The following CUX2 variants were observed in gnomAD, a reference collection of about 807,000 sequenced individuals.
The protein encoded by CUX2 is cut like homeobox 2, also known as homeobox protein cut-like 2.
CUX2 carries 40 observed loss-of-function variants against 144.8 expected under a neutral mutation model. That is an observed-to-expected ratio of 0.28 (90% CI 0.21 to 0.36). CUX2 has a LOEUF of 0.36. CUX2 is among the 10% of genes least tolerant of loss of function. CUX2 has a pLI of 1.00. For synonymous variants in CUX2, 827 were observed against 875.6 expected (o/e 0.94, Z 0.98); for missense variants, 1,615 against 1,994.0 (o/e 0.81, Z 3.62).
chr12:111,034,712 G>A lies in CUX2; in HGVS notation c.63+472G>A, dbSNP rs1295172144. On this transcript the variant is annotated intron_variant, in intron 1 of 21. Transcript: ENST00000261726. The surrounding 1 kb of genome is among the most constrained non-coding windows in gnomAD (Gnocchi z 4.2). ...GAGGGAGGGAGGGAGCTGGCGGGCAGGGAGGAGGAGGAGGAGAGGAGGAGG... is the reference window on the plus strand; with the variant it reads ...GAGGGAGGGAGGGAGCTGGCGGGCAAGGAGGAGGAGGAGGAGAGGAGGAGG... Among the ~76,000 whole-genome samples, 1 of 151,464 alleles carries A rather than the reference G, an allele frequency of 6.6e-6. No homozygotes were observed. Among genetic ancestry groups the A allele is most frequent in the African/African-American group, 2.4e-5 (1 of 41,374 alleles).
At chr12:111,193,671 C>T (rs1197502923) in intron 1 of CUX2, among the ~76,000 whole-genome samples, 2 of 152,276 alleles carry the variant, frequency 1.3e-5, no homozygotes, top group African/African-American at 4.8e-5. Context: ...GGAATGAAGG[C>T]GCTGGAGGTG....
intron 1 of CUX2, among the ~76,000 whole-genome samples, chr12:111,133,931 C>G (rs1875675827): frequency 6.6e-6 from 1 of 152,140 alleles, no homozygotes; most frequent in South Asian, 2.1e-4. Context: ...CCACCTGTCC[C>G]CATCCTAACT....
At chr12:111,269,666 T>C (rs753844358) in intron 4 of CUX2, among the ~76,000 whole-genome samples, 2 of 152,074 alleles carry the variant, frequency 1.3e-5, no homozygotes, top group Non-Finnish European at 2.9e-5. Flanking sequence ...AGCCCTCATT[T>C]TGGGGGGTGT....
chr12:111,298,622 A>G (rs1248477412), intron 9 of CUX2, 33 bp downstream of exon 9: 3 of 1,551,752 alleles, frequency 1.9e-6, no homozygotes, highest in Admixed American at 1.9e-5. Flanking sequence ...CGTGGGTGCC[A>G]GAGGCTCCCT....
At chr12:111,324,386 G>A (rs977260012) in intron 18 of CUX2, among the ~76,000 whole-genome samples, 3 of 151,640 alleles carry the variant, frequency 2.0e-5, no homozygotes, top group Non-Finnish European at 4.4e-5. Context: ...AAATGCATAA[G>A]GAGGCAGCCC....
rs746867438 is a variant in CUX2 at position 111,347,648 on chromosome 12, G to A, written c.3784G>A (p.Asp1262Asn). ...CCCAGACCCCACCCCGCAGAGCCCT[G>A]ACTCTGAGACTGAGGACCAGAAGCC... The part of the protein sequence containing the change: ...SHPDPTPQSP[D>N]SETEDQKPTV... Residue 1262 changes from aspartate (D) to asparagine (N), a missense_variant, in exon 22 of 22, where the codon GAC becomes AAC. This residue lies in a region of CUX2 where 298 missense variants were observed against 330.4 expected (regional missense o/e 0.90). Coordinates refer to ENST00000261726, the MANE Select transcript of CUX2 (RefSeq NM_015267.4). 3.7e-6 allele frequency: 6 copies of A among 1,609,098 alleles called. No individual in the cohort carries two copies. Among genetic ancestry groups the A allele is most frequent in the Non-Finnish European group, 5.1e-6 (6 of 1,177,322 alleles).
In CUX2 at chr12:111,293,205, G is replaced by A. The variant is rs1885786103; in HGVS notation, c.437-241G>A. On this transcript the variant is annotated intron_variant, in intron 5 of 21. Coordinates refer to ENST00000261726, the MANE Select transcript of CUX2 (RefSeq NM_015267.4). This position sits in a 1 kb window ranked among gnomAD's most constrained non-coding sequence, Gnocchi z 4.5. ...ACCACAATTTTAAAAGTATAATAAA[G>A]CAGGCCGCGGAGGCATGAGCAGGCA... 6.6e-6 allele frequency among the ~76,000 whole-genome samples: 1 copy of A among 152,194 alleles called. No individual in the cohort carries two copies. The highest frequency in any genetic ancestry group is 2.1e-4 in the South Asian group (1 of 4,832).
rs780239703 is a variant in CUX2, at chr12:111,347,882, G to A, written c.4018G>A (p.Gly1340Arg). Residue 1340 changes from glycine (G) to arginine (R), a missense_variant, in exon 22 of 22, where the codon GGA (glycine) becomes AGA (arginine). Physicochemically the swap from Gly to Arg is moderately radical, Grantham distance 125 (BLOSUM62 -2). Transcript: ENST00000261726. ...GCATCCCGACCCTCCGGGTAATGATGGACTCCCAAAAGTGGCTCCCGGGCC... is the reference window on the plus strand; with the variant it reads ...GCATCCCGACCCTCCGGGTAATGATAGACTCCCAAAAGTGGCTCCCGGGCC... ...EEHPDPPGNDGLPKVAPGPLL... is the reference protein window; with the variant it reads ...EEHPDPPGNDRLPKVAPGPLL... 6.2e-7 allele frequency: 1 copy of A among 1,614,108 alleles called. No individual in the cohort carries two copies. The highest frequency in any genetic ancestry group is 8.5e-7 in the Non-Finnish European group (1 of 1,180,028).
chr12:111,072,295 A>C (rs1871284671), intron 1 of CUX2, among the ~76,000 whole-genome samples: 1 of 152,208 alleles, frequency 6.6e-6, no homozygotes, highest in African/African-American at 2.4e-5. Flanking sequence ...TTTATTCGTC[A>C]GAGTTTTGTA....
chr12:111,263,895 G>A lies in CUX2; in HGVS notation c.301+56G>A, dbSNP rs1259277119. 2.0e-6 allele frequency: 3 copies of A among 1,498,110 alleles called. No homozygotes were observed. The highest frequency in any genetic ancestry group is 2.8e-5 in the African/African-American group (2 of 72,474). The allele number at this position is 1,498,110 out of a possible 1,614,324, so 92.8% of individuals were successfully genotyped here. On this transcript the variant is annotated intron_variant, in intron 4 of 21. Coordinates refer to ENST00000261726, the MANE Select transcript of CUX2 (RefSeq NM_015267.4). This position sits in a 1 kb window ranked among gnomAD's most constrained non-coding sequence, Gnocchi z 4.0. ...AGTTAACGACAATAAATAGCCATTA[G>A]GACTGTGACACAGGGACTTTGAGGT...
At chr12:111,159,315 T>G (rs1369282216) in intron 1 of CUX2, among the ~76,000 whole-genome samples, 1 of 122,050 alleles carries the variant, frequency 8.2e-6, no homozygotes, top group Non-Finnish European at 1.6e-5. Flanking sequence ...TGCCCAGCTG[T>G]TTTTTTTTTT....
chr12:111,252,031 A>G (rs1302932545), intron 3 of CUX2, among the ~76,000 whole-genome samples: 1 of 152,058 alleles, frequency 6.6e-6, no homozygotes, highest in East Asian at 1.9e-4. Context: ...AAAGAAAACG[A>G]AAATATTAGC....
At chr12:111,275,164 C>T (rs1174506585) in intron 4 of CUX2, among the ~76,000 whole-genome samples, 1 of 152,120 alleles carries the variant, frequency 6.6e-6, no homozygotes, top group Non-Finnish European at 1.5e-5. Context: ...AGTTTGTGCC[C>T]CAGAGCAGGT....
intron 3 of CUX2, among the ~76,000 whole-genome samples, chr12:111,232,954 C>T (rs992005980): frequency 2.0e-5 from 3 of 152,124 alleles, no homozygotes; most frequent in Non-Finnish European, 4.4e-5. Context: ...ATATATAATT[C>T]CAACTGTACC....
chr12:111,148,759 G>A (rs886600632), intron 1 of CUX2, among the ~76,000 whole-genome samples: 1 of 152,188 alleles, frequency 6.6e-6, no homozygotes, highest in African/African-American at 2.4e-5. Context: ...CACTCTGGGA[G>A]GCCAAGGCCA....
At chr12:111,217,292 C>T (rs908492203) in intron 2 of CUX2, among the ~76,000 whole-genome samples, 3 of 152,238 alleles carry the variant, frequency 2.0e-5, no homozygotes, top group African/African-American at 4.8e-5. Flanking sequence ...CCAGCCTAGA[C>T]TGCAGAAACT....
At chr12:111,113,403 C>T (rs1874102053) in intron 1 of CUX2, among the ~76,000 whole-genome samples, 1 of 152,036 alleles carries the variant, frequency 6.6e-6, no homozygotes, top group Non-Finnish European at 1.5e-5. Context: ...CCGAAATTTC[C>T]TTGTTGCTGC....
intron 18 of CUX2, among the ~76,000 whole-genome samples, chr12:111,331,778 T>A (rs1042353232): frequency 1.3e-5 from 2 of 151,872 alleles, no homozygotes; most frequent in African/African-American, 4.8e-5. Context: ...ACAAAATGTC[T>A]TTTGAAAAAT....
chr12:111,234,912 T>G (rs1422284568), intron 3 of CUX2, among the ~76,000 whole-genome samples: 1 of 152,008 alleles, frequency 6.6e-6, no homozygotes, highest in Non-Finnish European at 1.5e-5. Context: ...AAAGATGGGG[T>G]TTGGCCATTT....
Sources: gnomAD v4.1 joint callset for allele counts (sites outside exome capture counted in the v4.1 genomes callset) on GRCh38, gnomAD v4.1.1 for gene constraint, gnomAD v4.1.1 regional missense constraint, Gnocchi (gnomAD v3.1) non-coding constraint, MANE v1.5 for transcripts, NCBI Gene and HGNC (gene_info 2026-07-23, HGNC 2026-07-21) for gene names.